The following MRPS28 variants were observed in gnomAD, a reference collection of about 807,000 sequenced individuals.
The protein encoded by MRPS28 is mitochondrial ribosomal protein S28, also known as small ribosomal subunit protein bS1m.
In MRPS28, 7 loss-of-function variants were observed where a neutral mutation model predicts 10.8. That is an observed-to-expected ratio of 0.65 (90% CI 0.37 to 1.22). The LOEUF (loss-of-function observed/expected upper bound fraction) is 1.22. Ranked by LOEUF, MRPS28 falls within the 50% of genes most tolerant of loss-of-function variation. The pLI is 0.02. For missense variants in MRPS28, 265 were observed against 232.9 expected, an observed-to-expected ratio of 1.14 and a Z score of -0.90; for synonymous variants, 121 against 93.3, an observed-to-expected ratio of 1.30 and a Z score of -1.71.
At chr8:79,948,923 CTT>C (rs1807005478) in intron 2 of MRPS28, among the ~76,000 whole-genome samples, 2 of 152,050 alleles carry the variant, frequency 1.3e-5, no homozygotes. Context: ...CTACAGCTCT[CTT>C]TTCTTATGAC....
At chr8:80,012,415 G>A (rs1809074937) in intron 1 of MRPS28, among the ~76,000 whole-genome samples, 1 of 152,148 alleles carries the variant, frequency 6.6e-6, no homozygotes, top group African/African-American at 2.4e-5. Flanking sequence ...AACAGTAAAT[G>A]TAGCAACTCC....
intron 2 of MRPS28, among the ~76,000 whole-genome samples, chr8:79,947,811 G>C (rs1235765926): frequency 6.7e-6 from 1 of 150,024 alleles, no homozygotes; most frequent in Non-Finnish European, 1.5e-5. Context: ...ATTTTTTTTT[G>C]TATTTTTAGT....
At chr8:80,014,963 A>C (rs1212574839) in intron 1 of MRPS28, among the ~76,000 whole-genome samples, 3 of 152,220 alleles carry the variant, frequency 2.0e-5, no homozygotes, top group Non-Finnish European at 4.4e-5. Context: ...AGACAAGTGA[A>C]TGCAGAGAAC....
chr8:79,951,701 A>G (rs1435195358), intron 2 of MRPS28, among the ~76,000 whole-genome samples: 1 of 152,220 alleles, frequency 6.6e-6, no homozygotes, highest in African/African-American at 2.4e-5. Context: ...AAACTTCTAC[A>G]AGAATTTTCT....
intron 2 of MRPS28, among the ~76,000 whole-genome samples, chr8:79,938,035 G>A (rs552754034): frequency 1.3e-5 from 2 of 152,244 alleles, no homozygotes; most frequent in South Asian, 2.1e-4. Context: ...GTGTGTGCTC[G>A]CTGGTCTACA....
chr8:79,972,018 T>C (rs535688750), intron 2 of MRPS28, among the ~76,000 whole-genome samples: 1 of 152,304 alleles, frequency 6.6e-6, no homozygotes, highest in Non-Finnish European at 1.5e-5. Flanking sequence ...TTTTAATGGC[T>C]GAATAATATT....
chr8:79,983,406 G>A (rs1486271498), intron 2 of MRPS28, among the ~76,000 whole-genome samples: 8 of 152,118 alleles, frequency 5.3e-5, no homozygotes, highest in African/African-American at 1.4e-4. Context: ...CACCAGCAAC[G>A]GAACAAAGCT....
At chr8:79,929,057 AAAAAC>A (rs1251405438) in intron 2 of MRPS28, among the ~76,000 whole-genome samples, 16 of 152,168 alleles carry the variant, frequency 1.1e-4, no homozygotes, top group Non-Finnish European at 1.8e-4. Context: ...CAAACAAACA[AAAAAC>A]AAAACAAAAC....
chr8:79,949,471 C>G (rs1327779215), intron 2 of MRPS28, among the ~76,000 whole-genome samples: 2 of 151,244 alleles, frequency 1.3e-5, no homozygotes, highest in African/African-American at 2.4e-5. Context: ...TTGGGCGAAG[C>G]CTAGTATTTA....
At chr8:80,019,315 T>C (rs1809292327) in intron 1 of MRPS28, among the ~76,000 whole-genome samples, 1 of 146,254 alleles carries the variant, frequency 6.8e-6, no homozygotes, top group Admixed American at 6.9e-5. Context: ...CCCCTAAGCA[T>C]ATACACCTAC....
chr8:79,965,737 T>A (rs566063224), intron 2 of MRPS28, among the ~76,000 whole-genome samples: 5 of 152,082 alleles, frequency 3.3e-5, no homozygotes, highest in African/African-American at 9.7e-5. Flanking sequence ...AAAAAATAAC[T>A]GCTTTGAGAG....
intron 1 of MRPS28, among the ~76,000 whole-genome samples, chr8:80,015,357 CTCT>C (rs761870881): frequency 6.6e-6 from 1 of 152,126 alleles, no homozygotes; most frequent in Non-Finnish European, 1.5e-5. Context: ...CTCAAGGAAA[CTCT>C]TCAACCAAAG....
In MRPS28 at chr8:79,922,124, G is replaced by A. The variant is rs373745853; in HGVS notation, c.396-2976C>T. 2.5e-4 allele frequency among the ~76,000 whole-genome samples: 38 copies of A among 152,180 alleles called. 1 individual carries two copies. The highest frequency in any genetic ancestry group is 2.5e-3 in the South Asian group (12 of 4,818). On this transcript the variant is annotated intron_variant, in intron 2 of 2. Coordinates refer to ENST00000276585, the MANE Select transcript of MRPS28 (RefSeq NM_014018.3). ...ACTTTATTTTAAAGTAAAATTTTACGAAAGCAAAATGGAAAAATGTCTAAG... is the reference window on the plus strand; with the variant it reads ...ACTTTATTTTAAAGTAAAATTTTACAAAAGCAAAATGGAAAAATGTCTAAG...
chr8:79,977,815 A>AAAT lies in MRPS28; in HGVS notation c.395+25181_395+25183dup, dbSNP rs147911236. ...CTGGGTGACAGAGTGAGACTGTCTCAAATAATAATAATAATAATAATAATA... is the reference window on the plus strand; with the variant it reads ...CTGGGTGACAGAGTGAGACTGTCTCAAATAATAATAATAATAATAATAATAATA... On this transcript the variant is annotated intron_variant, in intron 2 of 2. Coordinates refer to ENST00000276585, the MANE Select transcript of MRPS28 (RefSeq NM_014018.3). Among the ~76,000 whole-genome samples, 1,316 of 150,582 alleles carry AAAT rather than the reference A, an allele frequency of 8.7e-3. 16 individuals are homozygous for AAAT. Among genetic ancestry groups the AAAT allele is most frequent in the African/African-American group, 0.025 (1,010 of 41,068 alleles).
chr8:79,983,010 T>G (rs543117692), intron 2 of MRPS28, among the ~76,000 whole-genome samples: 39 of 137,810 alleles, frequency 2.8e-4, no homozygotes, highest in South Asian at 5.0e-4. Context: ...GCAGCCTAAC[T>G]GGGAGGCACC....
chr8:79,982,352 T>C (rs1807984449), intron 2 of MRPS28, among the ~76,000 whole-genome samples: 2 of 152,204 alleles, frequency 1.3e-5, no homozygotes, highest in African/African-American at 4.8e-5. Flanking sequence ...AGACGGGTGA[T>C]TTCTGCATTT....
chr8:80,004,406 C>T lies in MRPS28; in HGVS notation c.214-1226G>A, dbSNP rs146722775. Reference sequence around the variant, plus strand: ...GGAGTGGATCTCCAGCAAACTCCAACAGACCTGCAGCTGAGGGTCCTGACT... The same window carrying T: ...GGAGTGGATCTCCAGCAAACTCCAATAGACCTGCAGCTGAGGGTCCTGACT... On this transcript the variant is annotated intron_variant, in intron 1 of 2. Transcript: ENST00000276585. 1.8e-3 allele frequency among the ~76,000 whole-genome samples: 267 copies of T among 152,354 alleles called. 4 individuals are homozygous for T. Among genetic ancestry groups the T allele is most frequent in the African/African-American group, 6.0e-3 (251 of 41,582 alleles).
intron 1 of MRPS28, chr8:80,029,718 A>C: frequency 1.4e-6 from 2 of 1,411,158 alleles, no homozygotes; most frequent in Non-Finnish European, 9.4e-7. Context: ...CGTCCCAGGA[A>C]TCGCCCTAGA....
At chr8:79,972,017 C>CT (rs1243578149) in intron 2 of MRPS28, among the ~76,000 whole-genome samples, 2 of 152,110 alleles carry the variant, frequency 1.3e-5, no homozygotes, top group African/African-American at 4.8e-5. Flanking sequence ...TTTTTAATGG[C>CT]TGAATAATAT....
Sources: gnomAD v4.1 joint callset for allele counts (sites outside exome capture counted in the v4.1 genomes callset) on GRCh38, gnomAD v4.1.1 for gene constraint, MANE v1.5 for transcripts, NCBI Gene and HGNC (gene_info 2026-07-23, HGNC 2026-07-21) for gene names.